The following COL5A1 variants were observed in gnomAD, a reference collection of about 807,000 sequenced individuals.
COL5A1 encodes the protein collagen alpha-1(V) chain.
COL5A1 carries 16 observed loss-of-function variants against 263.7 expected under a neutral mutation model. The observed-to-expected ratio is 0.06, with a 90% CI of 0.04 to 0.09. COL5A1 has a LOEUF of 0.09. Ranked by LOEUF, COL5A1 falls within the 10% of genes least tolerant of loss-of-function variation. The probability of loss-of-function intolerance (pLI) is 1.00; values close to 1 mark genes in which losing one functional copy is unlikely to be tolerated. For missense variants in COL5A1, 2,036 were observed against 2,540.5 expected, an observed-to-expected ratio of 0.80 and a Z score of 4.27; for synonymous variants, 1,012 against 1,004.5, an observed-to-expected ratio of 1.01 and a Z score of -0.14.
chr9:134,645,461 G>A (rs1415658106), intron 1 of COL5A1, among the ~76,000 whole-genome samples: 3 of 152,206 alleles, frequency 2.0e-5, no homozygotes, highest in East Asian at 3.8e-4. Flanking sequence ...AACACTTCCC[G>A]AGGGCACCCA....
Position 134,677,370 on chromosome 9 carries a change from C to T in COL5A1, c.110-13542C>T, listed in dbSNP as rs918473368. ...GCTGCCCTTGGTTCTCAGGTACATC[C>T]TTGTGCTGGGTTCCACTGAGCATTT... On this transcript the variant is annotated intron_variant, in intron 1 of 65. Transcript: ENST00000371817. The surrounding 1 kb of genome is among the most constrained non-coding windows in gnomAD (Gnocchi z 4.4). Among the ~76,000 whole-genome samples, 3 of 152,114 alleles carry T rather than the reference C, an allele frequency of 2.0e-5. No individual in the cohort carries two copies. Among genetic ancestry groups the T allele is most frequent in the Non-Finnish European group, 2.9e-5 (2 of 68,032 alleles).
At position 134,748,922 on chromosome 9, in the gene COL5A1, A is replaced by G. The variant is rs1419140051; in HGVS notation, c.1495-1620A>G. 2.0e-5 allele frequency among the ~76,000 whole-genome samples: 3 copies of G among 152,216 alleles called. No homozygotes were observed. The East Asian group carries it at 5.8e-4, about 29-fold the overall frequency. ...GGCCATGATTTCAAGAGCAAATTGCAGAATATTTAGGGACAGTATCATTAA... is the reference window on the plus strand; with the variant it reads ...GGCCATGATTTCAAGAGCAAATTGCGGAATATTTAGGGACAGTATCATTAA... On this transcript the variant is annotated intron_variant, in intron 11 of 65. Transcript: ENST00000371817.
intron 1 of COL5A1, among the ~76,000 whole-genome samples, chr9:134,643,806 TC>T: frequency 6.6e-6 from 1 of 152,254 alleles, no homozygotes; most frequent in African/African-American, 2.4e-5. Context: ...TGGGGACTTT[TC>T]CCCAGAAACT....
At chr9:134,654,300 A>T (rs111066201) in intron 1 of COL5A1, among the ~76,000 whole-genome samples, 3 of 72,824 alleles carry the variant, frequency 4.1e-5, no homozygotes, top group Non-Finnish European at 8.1e-5. Context: ...GCTGGTGTGT[A>T]TAGGGCTGGA....
chr9:134,737,733 TCACAGCTGTC>T (rs778635323), intron 9 of COL5A1, among the ~76,000 whole-genome samples: 37 of 152,248 alleles, frequency 2.4e-4, no homozygotes, highest in Non-Finnish European at 4.4e-4. Context: ...ACTGCTGCCT[TCACAGCTGTC>T]CACATTGCCT....
In COL5A1 at chr9:134,754,297, C is replaced by T; in HGVS notation, c.1798C>T (p.Pro600Ser). The T allele has an allele frequency of 2.5e-6, 4 of 1,614,026 alleles. No individual in the cohort carries two copies. Among genetic ancestry groups the T allele is most frequent in the East Asian group, 4.5e-5 (2 of 44,864 alleles). The change falls in exon 16 of 66, where the codon CCT becomes TCT. Residue 600 changes from proline (P) to serine (S), a missense_variant. Coordinates refer to ENST00000371817, the MANE Select transcript of COL5A1 (RefSeq NM_000093.5). This position sits in a 1 kb window ranked among gnomAD's most constrained non-coding sequence, Gnocchi z 4.3. ...PQGPRGVQGP[P>S]GPAGKPGRRG... ...GGGTCCTCGAGGTGTGCAAGGCCCG[C>T]CTGGTCCGGCCGGGAAGCCCGGAAG...
intron 1 of COL5A1, among the ~76,000 whole-genome samples, chr9:134,673,382 A>G (rs1446929851): frequency 6.6e-6 from 1 of 151,986 alleles, no homozygotes; most frequent in Non-Finnish European, 1.5e-5. Context: ...GGTTTTCCAT[A>G]AAAGTGCTAA....
intron 1 of COL5A1, among the ~76,000 whole-genome samples, chr9:134,685,499 T>C (rs1375350743): frequency 1.0e-5 from 1 of 99,614 alleles, no homozygotes; most frequent in Non-Finnish European, 2.0e-5. Flanking sequence ...CATCCATCCA[T>C]CCATCCATCA....
In COL5A1 at chr9:134,834,986, G is replaced by A. The variant is rs760992656; in HGVS notation, c.5152G>A (p.Ala1718Thr). The change falls in exon 65 of 66, where the codon GCC becomes ACC. Residue 1718 changes from alanine (A) to threonine (T), a missense_variant. Physicochemically the swap from Ala to Thr is moderately conservative, Grantham distance 58 (BLOSUM62 0). This residue lies in a region of COL5A1 where 358 missense variants were observed against 384.6 expected (regional missense o/e 0.93). Coordinates refer to ENST00000371817, the MANE Select transcript of COL5A1 (RefSeq NM_000093.5). ...KRGKLLSYVDAEGNPVGVVQM... is the reference protein window; with the variant it reads ...KRGKLLSYVDTEGNPVGVVQM... ...GTCCCCCCAGCTCTCCTATGTGGAC[G>A]CCGAGGGCAACCCTGTGGGTGTGGT... 20 of 1,613,244 alleles carry A rather than the reference G, an allele frequency of 1.2e-5. No individual in the cohort carries two copies. In the East Asian group the frequency reaches 3.6e-4, roughly 29 times the overall value.
At chr9:134,822,725 C>CCG (rs1554807651) in intron 59 of COL5A1, among the ~76,000 whole-genome samples, 2 of 150,216 alleles carry the variant, frequency 1.3e-5, no homozygotes, top group African/African-American at 2.5e-5. Flanking sequence ...GCTGCGCCCC[C>CCG]CCCGCGGCTG....
In COL5A1 at chr9:134,830,164, G is replaced by A. The variant is rs756925404; in HGVS notation, c.5136+120G>A. The A allele has an allele frequency of 2.5e-6, 4 of 1,610,808 alleles. No individual in the cohort carries two copies. The Admixed American group carries it at 6.7e-5, about 27-fold the overall frequency. ...CTTCCACCTGGTATAGTCAGTACAA[G>A]CGGGGGTCCCTGGTAAGTGGCCACC... On this transcript the variant is annotated intron_variant, in intron 64 of 65. Transcript: ENST00000371817.
At chr9:134,747,510 C>T (rs968057001) in intron 11 of COL5A1, among the ~76,000 whole-genome samples, 1 of 145,666 alleles carries the variant, frequency 6.9e-6, no homozygotes, top group East Asian at 2.1e-4. Flanking sequence ...CACACACGTA[C>T]ACATTCATAT....
chr9:134,702,456 G>A (rs1341938174), intron 4 of COL5A1, among the ~76,000 whole-genome samples: 2 of 151,936 alleles, frequency 1.3e-5, no homozygotes, highest in Non-Finnish European at 2.9e-5. Flanking sequence ...TCATGGCTGA[G>A]GTGGGGTCCC....
rs149569939 is a variant in COL5A1 at position 134,802,630 on chromosome 9, C to T, written c.3007-258C>T. ...GCACATCCCAGGAAGGCAGGCTTGG[C>T]CGTGCCTCCTGAAGGCGCCAGGTGG... On this transcript the variant is annotated intron_variant, in intron 38 of 65. Coordinates refer to ENST00000371817, the MANE Select transcript of COL5A1 (RefSeq NM_000093.5). Among the ~76,000 whole-genome samples, 478 of 152,328 alleles carry T rather than the reference C, an allele frequency of 3.1e-3. 2 individuals are homozygous for T. The highest frequency in any genetic ancestry group is 5.1e-3 in the Non-Finnish European group (347 of 68,026).
At chr9:134,814,287 G>A (rs1838654856) in intron 49 of COL5A1, among the ~76,000 whole-genome samples, 1 of 152,188 alleles carries the variant, frequency 6.6e-6, no homozygotes. Flanking sequence ...TGTAGTGTTT[G>A]CTCCTGGCCC....
At chr9:134,820,095 C>T (rs765343615) in intron 57 of COL5A1, 21 bp from the exon 58 acceptor site, 6 of 1,598,784 alleles carry the variant, frequency 3.8e-6, no homozygotes, top group Admixed American at 1.7e-5. Context: ...AATGCCCCTT[C>T]CTGTCTTCAT....
At position 134,758,332 on chromosome 9, in the gene COL5A1, T is replaced by G; in HGVS notation, c.1935+36T>G. 1 of 1,606,928 alleles carries G rather than the reference T, an allele frequency of 6.2e-7. No individual in the cohort carries two copies. The highest frequency in any genetic ancestry group is 8.5e-7 in the Non-Finnish European group (1 of 1,173,628). The stretch of plus-strand genomic sequence containing the variant: ...CCTCTGTGAGACACAGGCATGACGA[T>G]GGGCAGCAGAGGTGTCTCTCGGGAG... On this transcript the variant is annotated intron_variant, in intron 18 of 65. Transcript: ENST00000371817. This position sits in a 1 kb window ranked among gnomAD's most constrained non-coding sequence, Gnocchi z 4.1.
intron 1 of COL5A1, among the ~76,000 whole-genome samples, chr9:134,654,962 G>C (rs1454568545): frequency 5.7e-5 from 5 of 88,116 alleles, no homozygotes; most frequent in Non-Finnish European, 1.2e-4. Flanking sequence ...GCTGGGGGAG[G>C]GTAGGGCTGG....
At chr9:134,655,312 C>A (rs1015767529) in intron 1 of COL5A1, among the ~76,000 whole-genome samples, 1 of 151,142 alleles carries the variant, frequency 6.6e-6, no homozygotes, top group South Asian at 2.1e-4. Context: ...TGAGTCCCCA[C>A]CCGAGGGAGG....
Sources: allele counts gnomAD v4.1 joint callset (sites outside exome capture counted in the v4.1 genomes callset), GRCh38; gene constraint gnomAD v4.1.1; regional missense constraint gnomAD v4.1.1; non-coding constraint Gnocchi (gnomAD v3.1); transcripts MANE v1.5; gene names NCBI Gene and HGNC (gene_info 2026-07-23, HGNC 2026-07-21).